Variants in CUBN observed in about 807,000 individuals in gnomAD.
The protein encoded by CUBN is cubilin.
Under a neutral mutation model 405.3 loss-of-function variants are expected in CUBN, and 282 were observed. The ratio of observed to expected loss-of-function variants is 0.70; its 90% confidence interval spans 0.63 to 0.77. The LOEUF (loss-of-function observed/expected upper bound fraction) is 0.77. CUBN is among the 30% of genes least tolerant of loss of function. The probability of loss-of-function intolerance (pLI) is 0.00; values close to 1 mark genes in which losing one functional copy is unlikely to be tolerated. For missense variants in CUBN, 4,514 were observed against 4,475.2 expected (o/e 1.01, Z -0.25); for synonymous variants, 1,684 against 1,617.0 (o/e 1.04, Z -0.99).
intron 56 of CUBN, among the ~76,000 whole-genome samples, chr10:16,886,816 T>C (rs781740687): frequency 2.6e-5 from 4 of 152,210 alleles, no homozygotes; most frequent in Non-Finnish European, 4.4e-5. Context: ...GAGACAGAGT[T>C]TCGCTCTTGT....
chr10:16,915,111 A>T lies in CUBN; in HGVS notation c.7272T>A (p.Asn2424Lys). 6.2e-7 allele frequency: 1 copy of T among 1,614,094 alleles called. No individual in the cohort carries two copies. The highest frequency in any genetic ancestry group is 8.5e-7 in the Non-Finnish European group (1 of 1,179,940). ...TIPDSIDTSS[N>K]TAVVRFVTDG... ...CTGTGACAAACCTGACCACAGCAGT[A>T]TTGCTAGAAGTGTCTATGCTGTCAG... Residue 2424 changes from asparagine (N) to lysine (K), a missense_variant, in exon 47 of 67, where the codon AAT becomes AAA. Around this residue, in one of 5 missense-constraint regions of CUBN, gnomAD observed 1,613 missense variants for 1,542.8 expected, o/e 1.05. Coordinates refer to ENST00000377833, the MANE Select transcript of CUBN (RefSeq NM_001081.4).
chr10:16,919,905 T>G, intron 44 of CUBN, 58 bp downstream of exon 44: 2 of 1,549,696 alleles, frequency 1.3e-6, no homozygotes, highest in East Asian at 2.3e-5. Flanking sequence ...TTTTGAGACA[T>G]GACGGTTAAA....
intron 56 of CUBN, among the ~76,000 whole-genome samples, chr10:16,879,011 T>G (rs564177802): frequency 6.6e-6 from 1 of 152,384 alleles, no homozygotes; most frequent in South Asian, 2.1e-4. Flanking sequence ...TTATGGATAA[T>G]GCTGCTATGA....
intron 39 of CUBN, among the ~76,000 whole-genome samples, chr10:16,934,416 G>A (rs919324854): frequency 2.6e-5 from 4 of 152,194 alleles, no homozygotes; most frequent in Non-Finnish European, 4.4e-5. Context: ...AATATAAAAT[G>A]TTGTAGAACT....
chr10:17,047,594 T>C lies in CUBN; in HGVS notation c.3149A>G (p.Gln1050Arg), dbSNP rs553120368. 8.1e-6 allele frequency: 13 copies of C among 1,613,944 alleles called. No individual in the cohort carries two copies. The South Asian group carries it at 1.1e-4, about 14-fold the overall frequency. ...EAISAATACL[Q>R]DYTDDLGTFT... ...TGTCCCCAAATCATCTGTGTAGTCT[T>C]GCAAACATGCTGTGAACAGAAACAG... Residue 1050 changes from glutamine (Q) to arginine (R), a missense_variant, in exon 23 of 67, where the codon CAA becomes CGA. Transcript: ENST00000377833.
At chr10:16,942,127 C>T (rs991109202) in intron 36 of CUBN, among the ~76,000 whole-genome samples, 4 of 152,052 alleles carry the variant, frequency 2.6e-5, no homozygotes, top group Non-Finnish European at 2.9e-5. Context: ...CATTCCACAC[C>T]CATCATAAGG....
chr10:16,831,446 C>T (rs1426848041), intron 64 of CUBN, 29 bp from the exon 65 acceptor site: 5 of 1,575,984 alleles, frequency 3.2e-6, no homozygotes, highest in Non-Finnish European at 4.4e-6. Context: ...CATTATTAAA[C>T]TTACACTTTC....
At position 17,111,082 on chromosome 10, in the gene CUBN, T is replaced by A. The variant is rs780262084; in HGVS notation, c.884-32A>T. On this transcript the variant is annotated intron_variant, in intron 8 of 66. Transcript: ENST00000377833. ...AAACAAGAGGATTTAAAAGTTTAGC[T>A]CTATAGACAAGTCAACAAGGAAGAA... is the stretch of plus-strand genomic sequence containing the variant. 12 of 1,612,912 alleles carry A rather than the reference T, an allele frequency of 7.4e-6. No homozygotes were observed. The Admixed American group carries it at 2.0e-4, about 27-fold the overall frequency.
intron 28 of CUBN, among the ~76,000 whole-genome samples, chr10:17,010,863 C>T (rs973254668): frequency 2.6e-5 from 4 of 152,138 alleles, no homozygotes; most frequent in South Asian, 2.1e-4. Flanking sequence ...AATCTCAGAA[C>T]GCCTAGCACT....
At chr10:17,052,012 A>G (rs1835280598) in intron 22 of CUBN, among the ~76,000 whole-genome samples, 1 of 151,740 alleles carries the variant, frequency 6.6e-6, no homozygotes, top group Non-Finnish European at 1.5e-5. Flanking sequence ...AATCTATTAG[A>G]AAACAGAAAC....
chr10:16,831,362 A>G lies in CUBN; in HGVS notation c.10418T>C (p.Leu3473Pro). ...SPLLGKYCGTLLPNPVFSQNN... is the reference protein window; with the variant it reads ...SPLLGKYCGTPLPNPVFSQNN... ...TTGAGAGAAGACAGGGTTTGGCAGC[A>G]GAGTTCCACAGTACTTGCCCAGTAA... Residue 3473 changes from leucine (L) to proline (P), a missense_variant, in exon 65 of 67, where the codon CTG (leucine) becomes CCG (proline). Transcript: ENST00000377833. 1 of 1,614,060 alleles carries G rather than the reference A, an allele frequency of 6.2e-7. No homozygotes were observed. The highest frequency in any genetic ancestry group is 8.5e-7 in the Non-Finnish European group (1 of 1,179,904).
At position 16,949,044 on chromosome 10, in the gene CUBN, C is replaced by A. The variant is rs114400340; in HGVS notation, c.5081-438G>T. ...TGTGTGATCCTAGGCAAGTGACTTACGTGCTTGGTGCCTCAGTTTCCTCAC... is the reference window on the plus strand; with the variant it reads ...TGTGTGATCCTAGGCAAGTGACTTAAGTGCTTGGTGCCTCAGTTTCCTCAC... On this transcript the variant is annotated intron_variant, in intron 34 of 66. Coordinates refer to ENST00000377833, the MANE Select transcript of CUBN (RefSeq NM_001081.4). Among the ~76,000 whole-genome samples, 938 of 152,268 alleles carry A rather than the reference C, an allele frequency of 6.2e-3. 13 individuals carry two copies. Among genetic ancestry groups the A allele is most frequent in the African/African-American group, 0.022 (897 of 41,542 alleles).
At chr10:16,851,758 G>GTCTTTCCCTCCCTCACTC (rs1839697848) in intron 59 of CUBN, among the ~76,000 whole-genome samples, 1 of 46,028 alleles carries the variant, frequency 2.2e-5, no homozygotes, top group Non-Finnish European at 4.0e-5. Flanking sequence ...CCCTCACTCT[G>GTCTTTCCCTCCCTCACTC]TCTTTCCCTC....
chr10:16,915,717 G>T, intron 46 of CUBN, 104 bp downstream of exon 46: 2 of 920,892 alleles, frequency 2.2e-6, no homozygotes, highest in East Asian at 2.5e-5. Flanking sequence ...TCTCTGCAGA[G>T]TATAGATGTG....
chr10:16,849,317 A>T (rs1349311378), intron 60 of CUBN, among the ~76,000 whole-genome samples: 2 of 151,890 alleles, frequency 1.3e-5, no homozygotes, highest in African/African-American at 4.8e-5. Context: ...TGCCTTCTCC[A>T]GTTGCCTCCC....
intron 14 of CUBN, among the ~76,000 whole-genome samples, chr10:17,089,904 C>G (rs1296701104): frequency 6.6e-6 from 1 of 152,124 alleles, no homozygotes; most frequent in African/African-American, 2.4e-5. Context: ...GCAGGAATAT[C>G]ATTTGAGCCC....
intron 59 of CUBN, among the ~76,000 whole-genome samples, chr10:16,861,536 G>A (rs1421978907): frequency 1.3e-5 from 2 of 152,000 alleles, no homozygotes; most frequent in Non-Finnish European, 2.9e-5. Context: ...TGAGTGACAA[G>A]TATTTTCTAA....
chr10:16,919,411 G>A (rs1841973478), intron 44 of CUBN, among the ~76,000 whole-genome samples: 1 of 152,162 alleles, frequency 6.6e-6, no homozygotes, highest in African/African-American at 2.4e-5. Flanking sequence ...TTTGTTCAAG[G>A]AAAGAGAAAA....
intron 19 of CUBN, among the ~76,000 whole-genome samples, chr10:17,069,917 T>G (rs1835700834): frequency 6.6e-6 from 1 of 152,162 alleles, no homozygotes; most frequent in African/African-American, 2.4e-5. Flanking sequence ...CTTTTTTTGT[T>G]TGTACTTTTT....
Sources: gnomAD v4.1 joint callset for allele counts (sites outside exome capture counted in the v4.1 genomes callset) on GRCh38, gnomAD v4.1.1 for gene constraint, gnomAD v4.1.1 regional missense constraint, MANE v1.5 for transcripts, NCBI Gene and HGNC (gene_info 2026-07-23, HGNC 2026-07-21) for gene names.